The following LMBRD1 variants were observed in gnomAD, a reference collection of about 807,000 sequenced individuals.
The protein encoded by LMBRD1 is LMBR1 domain containing 1.
In LMBRD1, 64 loss-of-function variants were observed where a neutral mutation model predicts 74.8. The ratio of observed to expected loss-of-function variants is 0.86; its 90% CI spans 0.70 to 1.05. The LOEUF is 1.05. Ranked by LOEUF, LMBRD1 falls within the 50% of genes least tolerant of loss-of-function variation. The pLI is 0.00. For synonymous variants in LMBRD1, 204 were observed against 216.3 expected, an observed-to-expected ratio of 0.94 and a Z score of 0.50; for missense variants, 652 against 645.9, an observed-to-expected ratio of 1.01 and a Z score of -0.10.
intron 6 of LMBRD1, among the ~76,000 whole-genome samples, chr6:69,739,593 C>T (rs1463501345): frequency 1.3e-5 from 2 of 151,908 alleles, no homozygotes; most frequent in Admixed American, 6.6e-5. Flanking sequence ...ATTCTACTTA[C>T]AATATTCAAA....
At chr6:69,687,705 G>A (rs1264643384) in intron 14 of LMBRD1, among the ~76,000 whole-genome samples, 3 of 152,048 alleles carry the variant, frequency 2.0e-5, no homozygotes, top group African/African-American at 7.2e-5. Context: ...AAATAAAGAG[G>A]GTAACTTTCT....
chr6:69,698,391 G>T (rs1766052174), intron 13 of LMBRD1, among the ~76,000 whole-genome samples: 1 of 151,908 alleles, frequency 6.6e-6, no homozygotes, highest in African/African-American at 2.4e-5. Context: ...TGCTTGATCA[G>T]GCCCTGAAAC....
chr6:69,767,856 A>C (rs1765502223), intron 3 of LMBRD1, among the ~76,000 whole-genome samples: 1 of 151,896 alleles, frequency 6.6e-6, no homozygotes, highest in African/African-American at 2.4e-5. Context: ...AATTCTGCCC[A>C]TTTTGAATTT....
intron 3 of LMBRD1, among the ~76,000 whole-genome samples, chr6:69,777,819 CTT>C (rs994638373): frequency 9.8e-5 from 15 of 152,314 alleles, no homozygotes; most frequent in African/African-American, 3.6e-4. Context: ...ATTAGACAAA[CTT>C]AGCCTCTGAC....
At chr6:69,677,995 C>G (rs952436592) in intron 14 of LMBRD1, among the ~76,000 whole-genome samples, 5 of 152,102 alleles carry the variant, frequency 3.3e-5, no homozygotes, top group South Asian at 4.1e-4. Flanking sequence ...CAACACAGTA[C>G]AGTTGACCCT....
chr6:69,767,626 T>C (rs963992248), intron 3 of LMBRD1, among the ~76,000 whole-genome samples: 1 of 151,952 alleles, frequency 6.6e-6, no homozygotes, highest in Admixed American at 6.6e-5. Flanking sequence ...ATATAGTCTA[T>C]ACTGAAGAAT....
intron 3 of LMBRD1, among the ~76,000 whole-genome samples, chr6:69,779,357 A>G (rs1273905935): frequency 6.6e-6 from 1 of 152,068 alleles, no homozygotes; most frequent in African/African-American, 2.4e-5. Flanking sequence ...ACTTTTTTTT[A>G]TAAAACACAA....
chr6:69,766,751 T>C (rs1765481989), intron 3 of LMBRD1, among the ~76,000 whole-genome samples: 1 of 151,560 alleles, frequency 6.6e-6, no homozygotes, highest in African/African-American at 2.4e-5. Context: ...TAAATAGAAA[T>C]TGGTATAATT....
chr6:69,705,557 T>C (rs763676596), intron 9 of LMBRD1: 4 of 1,268,822 alleles, frequency 3.2e-6, no homozygotes, highest in African/African-American at 1.5e-5. Context: ...GATTTGGCTT[T>C]TGTGCATTTT....
chr6:69,717,252 T>C (rs1372754880), intron 8 of LMBRD1, among the ~76,000 whole-genome samples: 1 of 152,134 alleles, frequency 6.6e-6, no homozygotes. Flanking sequence ...TCATGGTAGA[T>C]GATATTTGCC....
At chr6:69,769,756 A>G (rs900259892) in intron 3 of LMBRD1, among the ~76,000 whole-genome samples, 8 of 139,596 alleles carry the variant, frequency 5.7e-5, no homozygotes, top group African/African-American at 2.2e-4. Context: ...TTTTTTTTTA[A>G]TTTTTATCCC....
At chr6:69,792,803 A>G (rs1766114658) in intron 1 of LMBRD1, among the ~76,000 whole-genome samples, 1 of 152,234 alleles carries the variant, frequency 6.6e-6, no homozygotes, top group Non-Finnish European at 1.5e-5. Flanking sequence ...AGAATGAAAG[A>G]AAACCTGCAT....
At chr6:69,705,523 A>G (rs1369300613) in intron 9 of LMBRD1, 54 of 1,295,410 alleles carry the variant, frequency 4.2e-5, no homozygotes, top group Non-Finnish European at 5.4e-5. Context: ...GGTATTGATG[A>G]TGGTTTTGAG....
At chr6:69,730,912 A>AACAACAGC in intron 7 of LMBRD1, among the ~76,000 whole-genome samples, 1 of 152,252 alleles carries the variant, frequency 6.6e-6, no homozygotes, top group Admixed American at 6.5e-5. Context: ...CAAGACAAGA[A>AACAACAGC]ACAACAGCAA....
chr6:69,772,502 T>C (rs745690608), intron 3 of LMBRD1, among the ~76,000 whole-genome samples: 18 of 152,110 alleles, frequency 1.2e-4, no homozygotes, highest in Admixed American at 4.6e-4. Context: ...GTCCAAGAGA[T>C]CACTTGCTTT....
intron 3 of LMBRD1, among the ~76,000 whole-genome samples, chr6:69,769,388 A>G (rs941953922): frequency 1.3e-5 from 2 of 152,050 alleles, no homozygotes; most frequent in African/African-American, 4.8e-5. Flanking sequence ...GAACATCTCT[A>G]TTTGTCACAC....
intron 7 of LMBRD1, 104 bp from the exon 8 acceptor site, chr6:69,719,185 T>C: frequency 1.9e-6 from 2 of 1,026,050 alleles, no homozygotes; most frequent in Non-Finnish European, 1.5e-6. Context: ...TCAGCAGTTG[T>C]GAAAGAGTAC....
chr6:69,772,522 T>C (rs1765596764), intron 3 of LMBRD1, among the ~76,000 whole-genome samples: 2 of 152,160 alleles, frequency 1.3e-5, no homozygotes, highest in Admixed American at 1.3e-4. Flanking sequence ...TCTTAGTATT[T>C]CCAACTGGAA....
chr6:69,756,996 G>A (rs1765280716), intron 3 of LMBRD1, among the ~76,000 whole-genome samples: 1 of 152,180 alleles, frequency 6.6e-6, no homozygotes, highest in East Asian at 1.9e-4. Flanking sequence ...TAGGTCTGCT[G>A]CATTAACTCT....
Sources: allele counts gnomAD v4.1 joint callset (sites outside exome capture counted in the v4.1 genomes callset), GRCh38; gene constraint gnomAD v4.1.1; transcripts MANE v1.5; gene names NCBI Gene and HGNC (gene_info 2026-07-23, HGNC 2026-07-21).